RSPH3: variants seen among roughly 807,000 people sequenced by gnomAD.
The protein encoded by RSPH3 is radial spoke head 3, also known as radial spoke head protein 3 homolog.
RSPH3 carries 21 observed loss-of-function variants against 43.8 expected under a neutral mutation model. That is an observed-to-expected ratio of 0.48 (90% CI 0.34 to 0.69). RSPH3 has a LOEUF of 0.69. Ranked by LOEUF, RSPH3 falls within the 30% of genes least tolerant of loss-of-function variation. The pLI is 0.01. For missense variants in RSPH3, 487 were observed against 516.0 expected (o/e 0.94, Z 0.54); for synonymous variants, 173 against 179.8 (o/e 0.96, Z 0.30).
rs201120251 is a variant in RSPH3 at position 158,986,237 on chromosome 6, G to A, written c.346+43C>T. The stretch of plus-strand genomic sequence containing the variant: ...TAAAAATGAACTGACATAGACAACT[G>A]AGTAAACCAAGAGGACACAATGCCA... On this transcript the variant is annotated intron_variant, in intron 3 of 7. Coordinates refer to ENST00000367069, the MANE Select transcript of RSPH3 (RefSeq NM_031924.8). 17 of 1,599,580 alleles carry A rather than the reference G, an allele frequency of 1.1e-5. No homozygotes were observed. In the African/African-American group the frequency reaches 2.1e-4, roughly 20 times the overall value.
In RSPH3 at chr6:158,976,309, T is replaced by C. The variant is rs1777836529; in HGVS notation, c.*1229A>G. On this transcript the variant is annotated 3_prime_UTR_variant, in exon 8 of 8. Coordinates refer to ENST00000367069, the MANE Select transcript of RSPH3 (RefSeq NM_031924.8). ...AGAAAATAACTTGTGATTTTAATAC[T>C]GCAGGTAAATTCTCTAACACATTCA... 1 of 152,244 alleles carries C rather than the reference T, an allele frequency of 6.6e-6. No individual in the cohort carries two copies. The highest frequency in any genetic ancestry group is 1.5e-5 in the Non-Finnish European group (1 of 68,048). 9.4% of individuals were successfully genotyped at this position (152,244 alleles called of 1,614,324 possible). A position where few individuals can be genotyped will look rare whatever the true frequency, so the allele number is the denominator to read the frequency against.
downstream of RSPH3, among the ~76,000 whole-genome samples, chr6:158,972,646 A>C (rs896224553): frequency 6.6e-6 from 1 of 152,230 alleles, no homozygotes; most frequent in Admixed American, 6.5e-5. Context: ...CGTATTTATA[A>C]AAATCATAAA....
Position 158,976,018 on chromosome 6 carries a change from A to T in RSPH3, c.*1520T>A, listed in dbSNP as rs1392408951. Reference sequence around the variant, plus strand: ...GGCAACACAGCAAGAGCCCATCTCTACAAAAAATACAGTAACTAGCCAGAC... The same window carrying T: ...GGCAACACAGCAAGAGCCCATCTCTTCAAAAAATACAGTAACTAGCCAGAC... On this transcript the variant is annotated 3_prime_UTR_variant, in exon 8 of 8. Transcript: ENST00000367069. The T allele has an allele frequency of 6.5e-6, 1 of 152,792 alleles. No individual in the cohort carries two copies. Among genetic ancestry groups the T allele is most frequent in the Non-Finnish European group, 1.5e-5 (1 of 68,608 alleles). The allele number at this position is 152,792 out of a possible 1,614,324, so 9.5% of individuals were successfully genotyped here. A position where few individuals can be genotyped will look rare whatever the true frequency, so the allele number is the denominator to read the frequency against.
chr6:158,981,572 G>C (rs1442201415), intron 5 of RSPH3, among the ~76,000 whole-genome samples: 1 of 151,964 alleles, frequency 6.6e-6, no homozygotes, highest in Non-Finnish European at 1.5e-5. Context: ...AATATTTTTT[G>C]ATAAAGACTT....
the RSPH3 span, among the ~76,000 whole-genome samples, chr6:158,963,267 T>A: frequency 6.6e-6 from 1 of 152,090 alleles, no homozygotes; most frequent in African/African-American, 2.4e-5. Flanking sequence ...TTAGGAGAGA[T>A]CTTTTTTCTT....
downstream of RSPH3, among the ~76,000 whole-genome samples, chr6:158,969,725 T>G (rs556926279): frequency 1.3e-5 from 2 of 152,234 alleles, no homozygotes; most frequent in African/African-American, 4.8e-5. Context: ...GAGTGGATTA[T>G]CTCAATGGAC....
intron 5 of RSPH3, among the ~76,000 whole-genome samples, chr6:158,981,218 A>G (rs936727400): frequency 7.2e-5 from 11 of 152,222 alleles, no homozygotes; most frequent in African/African-American, 2.4e-4. Context: ...TGGTAGCAAA[A>G]AGATAATCAC....
downstream of RSPH3, among the ~76,000 whole-genome samples, chr6:158,970,181 G>A (rs1777680027): frequency 6.6e-6 from 1 of 151,796 alleles, no homozygotes; most frequent in Non-Finnish European, 1.5e-5. Flanking sequence ...GTTTTCTGTT[G>A]CTGTTTGTTA....
chr6:158,995,773 ATT>A (rs200458176), intron 1 of RSPH3, among the ~76,000 whole-genome samples: 41 of 150,172 alleles, frequency 2.7e-4, no homozygotes, highest in African/African-American at 1.0e-3. Flanking sequence ...TTTTTTTTGT[ATT>A]TTTTTAGTAG....
At chr6:158,996,652 T>C (rs1562568201) in intron 1 of RSPH3, among the ~76,000 whole-genome samples, 1 of 152,174 alleles carries the variant, frequency 6.6e-6, no homozygotes, top group South Asian at 2.1e-4. Context: ...CCATGTGTCA[T>C]CTGAAAAACT....
rs986329807 is a variant in RSPH3, at chr6:158,989,574, G to A, written c.205-3153C>T. Among the ~76,000 whole-genome samples the A allele has an allele frequency of 2.0e-5, 3 of 152,146 alleles. No homozygotes were observed. Among genetic ancestry groups the A allele is most frequent in the African/African-American group, 7.2e-5 (3 of 41,426 alleles). On this transcript the variant is annotated intron_variant, in intron 2 of 7. Transcript: ENST00000367069. This position sits in a 1 kb window ranked among gnomAD's most constrained non-coding sequence, Gnocchi z 4.3. ...TGCTGAACAGCCACTCTGATTTGGT[G>A]TTTCCTTTGGTTGAGTTATACAGCA...
At chr6:158,992,358 C>A (rs1043610675) in intron 2 of RSPH3, among the ~76,000 whole-genome samples, 3 of 151,984 alleles carry the variant, frequency 2.0e-5, no homozygotes, top group South Asian at 4.1e-4. Context: ...CAGCTCACTG[C>A]AGCCTTGTCC....
chr6:158,985,333 T>C (rs1316210800), intron 3 of RSPH3, among the ~76,000 whole-genome samples: 1 of 152,218 alleles, frequency 6.6e-6, no homozygotes. Context: ...TAGAACTATA[T>C]TGGTCTCCTT....
At chr6:158,969,934 T>C (rs1243003187), downstream of RSPH3, among the ~76,000 whole-genome samples, 2 of 152,200 alleles carry the variant, frequency 1.3e-5, no homozygotes, top group Admixed American at 6.5e-5. Flanking sequence ...TCTTTAGACA[T>C]GGTTTTCTTT....
At chr6:158,984,106 C>T (rs1259485483) in intron 3 of RSPH3, among the ~76,000 whole-genome samples, 1 of 151,858 alleles carries the variant, frequency 6.6e-6, no homozygotes, top group African/African-American at 2.4e-5. Flanking sequence ...TGTACTACAG[C>T]CTGGGCAACA....
Position 158,999,529 on chromosome 6 carries a change from G to A in RSPH3, c.22C>T (p.Arg8Cys). Residue 8 changes from arginine (R) to cysteine (C), a missense_variant, in exon 1 of 8, where the codon CGC becomes TGC. Transcript: ENST00000367069. ...TAGGTGCTCGGGGCCCGAGAGGTGCGATCAGTCAGCGCTGAGGCCATGTCC... is the reference window on the plus strand; with the variant it reads ...TAGGTGCTCGGGGCCCGAGAGGTGCAATCAGTCAGCGCTGAGGCCATGTCC... MASALTD[R>C]TSRAPSTYTY... The A allele has an allele frequency of 6.4e-7, 1 of 1,560,812 alleles. No individual in the cohort carries two copies. Among genetic ancestry groups the A allele is most frequent in the Non-Finnish European group, 8.7e-7 (1 of 1,147,296 alleles).
Position 158,999,928 on chromosome 6 carries a change from T to G in RSPH3, c.-378A>C. 1 of 1,611,208 alleles carries G rather than the reference T, an allele frequency of 6.2e-7. No homozygotes were observed. Among genetic ancestry groups the G allele is most frequent in the Non-Finnish European group, 8.5e-7 (1 of 1,178,702 alleles). On this transcript the variant is annotated 5_prime_UTR_variant, in exon 1 of 8. Coordinates refer to ENST00000367069, the MANE Select transcript of RSPH3 (RefSeq NM_031924.8). The stretch of plus-strand genomic sequence containing the variant: ...CCACCCAGGTAGGTGCGCCTGCGCT[T>G]TGCGAGGTTCCTGGCTAGGGAGGCG...
In RSPH3 at chr6:158,999,986, C is replaced by A. The variant is rs761767781; in HGVS notation, c.-436G>T. On this transcript the variant is annotated 5_prime_UTR_variant, in exon 1 of 8. The change creates a new upstream start codon in the 5' untranslated region. Coordinates refer to ENST00000367069, the MANE Select transcript of RSPH3 (RefSeq NM_031924.8). ...CTGGCTTGACCGTCATCCTTGAGGCCTGCGGGGCAACGGTGGCTGTCCTTG... is the reference window on the plus strand; with the variant it reads ...CTGGCTTGACCGTCATCCTTGAGGCATGCGGGGCAACGGTGGCTGTCCTTG... The A allele has an allele frequency of 2.5e-5, 39 of 1,570,806 alleles. No individual in the cohort carries two copies. The highest frequency in any genetic ancestry group is 3.4e-5 in the Non-Finnish European group (39 of 1,157,386).
intron 1 of RSPH3, 140 bp from the exon 2 acceptor site, chr6:158,994,066 G>C (rs375239887): frequency 9.3e-5 from 49 of 528,130 alleles, no homozygotes; most frequent in African/African-American, 6.9e-4. Flanking sequence ...CATAAAATAA[G>C]GAGGTAAATG....
Sources: gnomAD v4.1 joint callset for allele counts (sites outside exome capture counted in the v4.1 genomes callset) on GRCh38, gnomAD v4.1.1 for gene constraint, Gnocchi (gnomAD v3.1) non-coding constraint, MANE v1.5 for transcripts, NCBI Gene and HGNC (gene_info 2026-07-23, HGNC 2026-07-21) for gene names.